Variants in SLC4A4 observed in about 807,000 individuals in gnomAD.
The protein encoded by SLC4A4 is electrogenic sodium bicarbonate cotransporter 1.
A neutral mutation model predicts 111.5 loss-of-function variants in SLC4A4; 27 were observed. The observed-to-expected ratio is 0.24, with a 90% CI of 0.18 to 0.33. The LOEUF (loss-of-function observed/expected upper bound fraction) is 0.33. Ranked by LOEUF, SLC4A4 falls within the 10% of genes least tolerant of loss-of-function variation. The pLI, the probability that SLC4A4 is intolerant of heterozygous loss-of-function variation, is 1.00. For missense variants in SLC4A4, 909 were observed against 1,315.5 expected, an observed-to-expected ratio of 0.69 and a Z score of 4.78; for synonymous variants, 443 against 463.4, an observed-to-expected ratio of 0.96 and a Z score of 0.57.
rs904548985 is a variant in SLC4A4, at chr4:71,121,012, C to T, written c.-2+28220C>T. Among the ~76,000 whole-genome samples the T allele has an allele frequency of 4.6e-5, 7 of 152,182 alleles. No homozygotes were observed. In the East Asian group the frequency reaches 5.8e-4, roughly 13 times the overall value. On this transcript the variant is annotated intron_variant, in intron 2 of 26. Coordinates refer to the SLC4A4 transcript ENST00000649996. ...GGGTGGGCACGCGCTCGGTAGGTCC[C>T]GCACTTGGAGTGGCAGGCTGGCGCC... is the stretch of plus-strand genomic sequence containing the variant.
intron 3 of SLC4A4, among the ~76,000 whole-genome samples, chr4:71,279,878 C>T (rs1723372204): frequency 6.6e-6 from 1 of 152,184 alleles, no homozygotes; most frequent in Non-Finnish European, 1.5e-5. Flanking sequence ...TCACTGCAAC[C>T]TCTGCTTCCC....
chr4:71,306,091 G>A (rs1725662475), intron 3 of SLC4A4, among the ~76,000 whole-genome samples: 2 of 152,248 alleles, frequency 1.3e-5, no homozygotes, highest in East Asian at 1.9e-4. Flanking sequence ...TCTTGTTATA[G>A]CTCCTCTACC....
intron 18 of SLC4A4, among the ~76,000 whole-genome samples, chr4:71,534,940 A>G (rs1734279851): frequency 6.6e-6 from 1 of 152,180 alleles, no homozygotes; most frequent in African/African-American, 2.4e-5. Context: ...TTATGAGTCT[A>G]AAGAAAATGC....
At chr4:71,071,746 T>TA (rs1741670088) in intron 1 of SLC4A4, among the ~76,000 whole-genome samples, 1 of 152,208 alleles carries the variant, frequency 6.6e-6, no homozygotes, top group Non-Finnish European at 1.5e-5. Flanking sequence ...TCCACATTGA[T>TA]ACATATAGAT....
At chr4:71,453,707 C>T (rs767611958) in intron 12 of SLC4A4, 38 bp downstream of exon 12, 2 of 1,602,554 alleles carry the variant, frequency 1.2e-6, no homozygotes, top group African/African-American at 1.3e-5. Context: ...ATAGTACAGC[C>T]CAGATTGCCT....
chr4:71,157,937 G>A (rs1744520427), intron 2 of SLC4A4, among the ~76,000 whole-genome samples: 4 of 152,118 alleles, frequency 2.6e-5, no homozygotes. Context: ...CATATTTTCA[G>A]TTAAAATTTC....
chr4:71,388,058 T>C (rs1487398617), intron 6 of SLC4A4, among the ~76,000 whole-genome samples: 1 of 152,206 alleles, frequency 6.6e-6, no homozygotes. Context: ...AGCGAGATAT[T>C]CATTTACTTC....
intron 15 of SLC4A4, among the ~76,000 whole-genome samples, chr4:71,493,140 A>G (rs964154621): frequency 6.6e-6 from 1 of 151,964 alleles, no homozygotes; most frequent in Non-Finnish European, 1.5e-5. Context: ...ATCTAATTGA[A>G]ATAGTTTTGC....
intron 18 of SLC4A4, among the ~76,000 whole-genome samples, chr4:71,543,807 G>T (rs1735276585): frequency 6.6e-6 from 1 of 151,974 alleles, no homozygotes; most frequent in Non-Finnish European, 1.5e-5. Flanking sequence ...TCTAAAGAGG[G>T]CATAAAAATT....
At chr4:71,072,695 C>A (rs1741701884) in intron 1 of SLC4A4, among the ~76,000 whole-genome samples, 1 of 151,936 alleles carries the variant, frequency 6.6e-6, no homozygotes, top group Non-Finnish European at 1.5e-5. Flanking sequence ...GATGTTGAAT[C>A]TTTCTAATCA....
intron 2 of SLC4A4, among the ~76,000 whole-genome samples, chr4:71,113,089 A>T (rs1472951634): frequency 2.0e-5 from 3 of 152,200 alleles, no homozygotes; most frequent in Non-Finnish European, 4.4e-5. Flanking sequence ...GACTATGCAA[A>T]GCAATGTGTA....
chr4:71,224,013 GC>G (rs1010479046), intron 1 of SLC4A4, among the ~76,000 whole-genome samples: 1 of 152,148 alleles, frequency 6.6e-6, no homozygotes. Flanking sequence ...CCTCTCCGGA[GC>G]CCGTGTCTTC....
At chr4:71,260,239 A>G (rs1721755507) in intron 3 of SLC4A4, among the ~76,000 whole-genome samples, 1 of 152,108 alleles carries the variant, frequency 6.6e-6, no homozygotes, top group Non-Finnish European at 1.5e-5. Flanking sequence ...AAGAGCCAAG[A>G]ATATTTGGTG....
At chr4:71,373,505 C>A (rs920727843) in intron 6 of SLC4A4, among the ~76,000 whole-genome samples, 10 of 152,036 alleles carry the variant, frequency 6.6e-5, no homozygotes, top group African/African-American at 2.4e-4. Flanking sequence ...AAAAAAGCAA[C>A]CATGTTGTTG....
intron 1 of SLC4A4, among the ~76,000 whole-genome samples, chr4:71,210,995 C>T (rs545057965): frequency 7.9e-5 from 12 of 152,242 alleles, no homozygotes; most frequent in East Asian, 7.7e-4. Flanking sequence ...GAAAAGACTT[C>T]GAGCCAAAAT....
At chr4:71,223,761 G>A (rs970077391) in intron 1 of SLC4A4, among the ~76,000 whole-genome samples, 1 of 151,870 alleles carries the variant, frequency 6.6e-6, no homozygotes, top group African/African-American at 2.4e-5. Context: ...TTAGGAGCTC[G>A]GGTCCTCACA....
chr4:71,483,131 G>A (rs995321129), intron 14 of SLC4A4, among the ~76,000 whole-genome samples: 3 of 151,314 alleles, frequency 2.0e-5, no homozygotes, highest in African/African-American at 7.3e-5. Context: ...GGATTCATTC[G>A]GCTTTATTGT....
At chr4:71,550,915 A>G (rs1180886324) in intron 20 of SLC4A4, among the ~76,000 whole-genome samples, 2 of 151,894 alleles carry the variant, frequency 1.3e-5, no homozygotes, top group Non-Finnish European at 2.9e-5. Flanking sequence ...TAAGTTCACG[A>G]GGATACCCCT....
At chr4:71,118,915 A>C (rs2148955344) in intron 2 of SLC4A4, among the ~76,000 whole-genome samples, 1 of 152,330 alleles carries the variant, frequency 6.6e-6, no homozygotes, top group South Asian at 2.1e-4. Flanking sequence ...TGATTCATGC[A>C]AAATGAGAGT....
Sources: allele counts gnomAD v4.1 joint callset (sites outside exome capture counted in the v4.1 genomes callset), GRCh38; gene constraint gnomAD v4.1.1; transcripts MANE v1.5; gene names NCBI Gene and HGNC (gene_info 2026-07-23, HGNC 2026-07-21).